The following METTL22 variants were observed in gnomAD, a reference collection of about 807,000 sequenced individuals.
METTL22 encodes methyltransferase 22, Kin17 lysine.
A neutral mutation model predicts 48.4 loss-of-function variants in METTL22; 51 were observed. That is an observed-to-expected ratio of 1.05 (90% CI 0.84 to 1.33). METTL22 has a LOEUF of 1.33. Ranked by LOEUF, METTL22 falls within the 40% of genes most tolerant of loss-of-function variation. METTL22 has a pLI of 0.00. For missense variants in METTL22, 678 were observed against 526.9 expected, an observed-to-expected ratio of 1.29 and a Z score of -2.81; for synonymous variants, 255 against 214.1, an observed-to-expected ratio of 1.19 and a Z score of -1.67.
At chr16:8,651,602 CCTCT>C (rs757024637), downstream of METTL22, among the ~76,000 whole-genome samples, 14 of 151,994 alleles carry the variant, frequency 9.2e-5, no homozygotes, top group Non-Finnish European at 1.8e-4. Context: ...GCAATCTCTC[CCTCT>C]CTCTATAAAT....
rs1160860790 is a variant in METTL22, at chr16:8,649,434, A to G, written c.*3291A>G. ...CTCAATTTTTTTATAACATTTTCAG[A>G]AAAATATGTGACCCAAGGAGGGGAC... On this transcript the variant is annotated 3_prime_UTR_variant, in exon 11 of 11. Transcript: ENST00000381920. The G allele has an allele frequency of 6.6e-6, 1 of 152,084 alleles. No homozygotes were observed. Among genetic ancestry groups the G allele is most frequent in the African/African-American group, 2.4e-5 (1 of 41,386 alleles). The allele number at this position is 152,084 out of a possible 1,614,324, so 9.4% of individuals were successfully genotyped here.
At chr16:8,649,812 A>AT (rs2056866855), downstream of METTL22, among the ~76,000 whole-genome samples, 2 of 3,656 alleles carry the variant, frequency 5.5e-4, no homozygotes, top group African/African-American at 5.9e-4. Context: ...CTCAAAAGAA[A>AT]TTAAAAAAAA....
rs2056803731 is a variant in METTL22 at position 8,646,501 on chromosome 16, C to T, written c.*358C>T. On this transcript the variant is annotated 3_prime_UTR_variant, in exon 11 of 11. Transcript: ENST00000381920. ...CCTGGCTGTGAGGTGGATTCTTGTACTGCCCTCTGTCAGCTGTTTACAGAT... is the reference window on the plus strand; with the variant it reads ...CCTGGCTGTGAGGTGGATTCTTGTATTGCCCTCTGTCAGCTGTTTACAGAT... 1 of 527,902 alleles carries T rather than the reference C, an allele frequency of 1.9e-6. No homozygotes were observed. Among genetic ancestry groups the T allele is most frequent in the Non-Finnish European group, 3.7e-6 (1 of 273,854 alleles). 32.7% of individuals were successfully genotyped at this position (527,902 alleles called of 1,614,324 possible).
chr16:8,629,481 G>A (rs1259983138), intron 3 of METTL22, among the ~76,000 whole-genome samples: 2 of 152,206 alleles, frequency 1.3e-5, no homozygotes, highest in Non-Finnish European at 2.9e-5. Flanking sequence ...GCGTGTTGGG[G>A]GTGTGGGACA....
At chr16:8,645,619 A>G (rs1596370919) in intron 10 of METTL22, among the ~76,000 whole-genome samples, 1 of 98 alleles carries the variant, frequency 0.01, no homozygotes, top group East Asian at 0.5. Context: ...AAAAATCAAG[A>G]AAAAAAATTA....
intron 10 of METTL22, chr16:8,645,060 G>A: frequency 5.2e-6 from 1 of 193,956 alleles, no homozygotes; most frequent in Non-Finnish European, 1.0e-5. Flanking sequence ...AGGGAAGTTT[G>A]TGGGTTGCAG....
At chr16:8,652,700 T>C (rs960592485), downstream of METTL22, among the ~76,000 whole-genome samples, 12 of 152,150 alleles carry the variant, frequency 7.9e-5, no homozygotes, top group African/African-American at 2.9e-4. Flanking sequence ...TTTTTTAATT[T>C]TAGACTCATC....
intron 5 of METTL22, 23 bp downstream of exon 5, chr16:8,635,335 TGCA>T: frequency 6.6e-7 from 1 of 1,518,946 alleles, no homozygotes; most frequent in South Asian, 1.3e-5. Flanking sequence ...CATCTCAGGC[TGCA>T]GGGAAGTAGT....
intron 5 of METTL22, among the ~76,000 whole-genome samples, chr16:8,638,256 T>G (rs1405482001): frequency 2.0e-5 from 3 of 152,260 alleles, no homozygotes; most frequent in East Asian, 3.9e-4. Flanking sequence ...GCTCCTCCCG[T>G]ACATGGCTCT....
the METTL22 span, among the ~76,000 whole-genome samples, chr16:8,659,374 C>T: frequency 1.9e-3 from 281 of 151,880 alleles, no homozygotes; most frequent in Middle Eastern, 6.8e-3. Flanking sequence ...ATCCATCCTT[C>T]ACCAGATCAT....
At position 8,646,168 on chromosome 16, in the gene METTL22, G is replaced by C; in HGVS notation, c.*25G>C. 1 of 1,613,808 alleles carries C rather than the reference G, an allele frequency of 6.2e-7. No individual in the cohort carries two copies. The highest frequency in any genetic ancestry group is 8.5e-7 in the Non-Finnish European group (1 of 1,179,690). On this transcript the variant is annotated 3_prime_UTR_variant, in exon 11 of 11. Transcript: ENST00000381920. ...ACCCATCGCCTCCACAAGGCGCGGC[G>C]TCTCGACTGTTCTTAGAGTGTATTT...
At chr16:8,652,755 G>A (rs1567255800), downstream of METTL22, among the ~76,000 whole-genome samples, 1 of 152,130 alleles carries the variant, frequency 6.6e-6, no homozygotes, top group Non-Finnish European at 1.5e-5. Flanking sequence ...TTGGCCCTAT[G>A]TGAGTGACTG....
chr16:8,646,370 C>G lies in METTL22; in HGVS notation c.*227C>G. On this transcript the variant is annotated 3_prime_UTR_variant, in exon 11 of 11. Transcript: ENST00000381920. ...GAGGTCACTTTAGTTGCCTGTTTCT[C>G]ATGGTTGTGATGTGTGCTCCAGGGT... The G allele has an allele frequency of 1.4e-6, 1 of 704,564 alleles. No individual in the cohort carries two copies. The highest frequency in any genetic ancestry group is 2.6e-6 in the Non-Finnish European group (1 of 389,230). The allele number at this position is 704,564 out of a possible 1,614,324, so 43.6% of individuals were successfully genotyped here.
the METTL22 span, chr16:8,666,680 G>A: frequency 3.9e-5 from 6 of 152,058 alleles, no homozygotes; most frequent in Admixed American, 6.6e-5. Context: ...ATTCTTTATC[G>A]TCACAGCCAG....
chr16:8,652,477 A>C (rs1464618926), downstream of METTL22, among the ~76,000 whole-genome samples: 2 of 150,144 alleles, frequency 1.3e-5, no homozygotes, highest in Non-Finnish European at 3.0e-5. Flanking sequence ...AAAAAAAAAA[A>C]AAAAAAAGTG....
downstream of METTL22, among the ~76,000 whole-genome samples, chr16:8,651,493 T>G (rs569826535): frequency 6.6e-6 from 1 of 151,304 alleles, no homozygotes; most frequent in East Asian, 1.9e-4. Flanking sequence ...TAAGGTAGAG[T>G]TTTTGGCTTG....
the METTL22 span, among the ~76,000 whole-genome samples, chr16:8,654,888 C>T: frequency 6.6e-6 from 1 of 152,276 alleles, no homozygotes; most frequent in East Asian, 1.9e-4. Flanking sequence ...TGAAGTTCCA[C>T]CATAAGTTTT....
intron 3 of METTL22, among the ~76,000 whole-genome samples, chr16:8,630,612 A>C (rs1484565028): frequency 6.6e-6 from 1 of 152,108 alleles, no homozygotes; most frequent in Non-Finnish European, 1.5e-5. Context: ...CAAACCTGTC[A>C]GTTACTCCAC....
At position 8,647,368 on chromosome 16, in the gene METTL22, C is replaced by G. The variant is rs1256252317; in HGVS notation, c.*1225C>G. The G allele has an allele frequency of 6.5e-6, 1 of 152,834 alleles. No homozygotes were observed. Among genetic ancestry groups the G allele is most frequent in the Non-Finnish European group, 1.5e-5 (1 of 68,550 alleles). 9.5% of individuals were successfully genotyped at this position (152,834 alleles called of 1,614,324 possible). The stretch of plus-strand genomic sequence containing the variant: ...GTTTGTCTTAAATATCACTACATCC[C>G]TGCTGTATGGTCTGGCAAACAGTAG... On this transcript the variant is annotated 3_prime_UTR_variant, in exon 11 of 11. Transcript: ENST00000381920.
Sources: gnomAD v4.1 joint callset for allele counts (sites outside exome capture counted in the v4.1 genomes callset) on GRCh38, gnomAD v4.1.1 for gene constraint, MANE v1.5 for transcripts, NCBI Gene and HGNC (gene_info 2026-07-23, HGNC 2026-07-21) for gene names.